ENPP1: variants seen among roughly 807,000 people sequenced by gnomAD.
ENPP1 encodes ectonucleotide pyrophosphatase/phosphodiesterase 1, also known as ectonucleotide pyrophosphatase/phosphodiesterase family member 1.
Under a neutral mutation model 122.8 loss-of-function variants are expected in ENPP1, and 73 were observed. The ratio of observed to expected loss-of-function variants is 0.59; its 90% CI spans 0.49 to 0.72. The LOEUF (loss-of-function observed/expected upper bound fraction) is 0.72. ENPP1 is among the 30% of genes least tolerant of loss of function. ENPP1 has a pLI of 0.00. For synonymous variants in ENPP1, 367 were observed against 391.6 expected (o/e 0.94, Z 0.74); for missense variants, 978 against 1,128.1 (o/e 0.87, Z 1.91).
chr6:131,833,555 T>C (rs547946914), intron 1 of ENPP1, among the ~76,000 whole-genome samples: 7 of 152,214 alleles, frequency 4.6e-5, no homozygotes, highest in Non-Finnish European at 7.3e-5. Context: ...ATTTTTGGAT[T>C]TTGTGTCATA....
Position 131,808,186 on chromosome 6 carries a change from G to A in ENPP1, c.151G>A (p.Ala51Thr). 6.7e-7 allele frequency: 1 copy of A among 1,490,404 alleles called. No individual in the cohort carries two copies. The highest frequency in any genetic ancestry group is 8.9e-7 in the Non-Finnish European group (1 of 1,119,016). 92.3% of individuals were successfully genotyped at this position (1,490,404 alleles called of 1,614,324 possible). A position where few individuals can be genotyped will look rare whatever the true frequency, so the allele number is the denominator to read the frequency against. Residue 51 changes from alanine to threonine, a missense_variant, in exon 1 of 25, where the codon GCC becomes ACC. This residue lies in a region of ENPP1 where 330 missense variants were observed against 328.5 expected (regional missense o/e 1.00). Transcript: ENST00000647893. Reference protein sequence around the residue: ...GDPQAAASLLAPMDVGEEPLE... With the variant: ...GDPQAAASLLTPMDVGEEPLE... ...CCCGCAGGCGGCCGCGTCCTTGCTG[G>A]CCCCTATGGACGTGGGGGAGGAGCC...
At chr6:131,826,848 G>A (rs191646581) in intron 1 of ENPP1, 147 of 375,034 alleles carry the variant, frequency 3.9e-4, no homozygotes, top group Admixed American at 1.2e-3. Context: ...TCCCTGTGTG[G>A]GGCAGAAAAG....
Position 131,810,456 on chromosome 6 carries a change from C to A in ENPP1, c.240+2181C>A, listed in dbSNP as rs1308682711. 4.1e-5 allele frequency among the ~76,000 whole-genome samples: 6 copies of A among 146,846 alleles called. No homozygotes were observed. The East Asian group carries it at 6.1e-4, about 15-fold the overall frequency. On this transcript the variant is annotated intron_variant, in intron 1 of 24. Transcript: ENST00000647893. ...CTTTTTCCCCCAACCCCGCCCCCCCCCCAAAAACTTCCCCAAATAATGGGC... is the reference window on the plus strand; with the variant it reads ...CTTTTTCCCCCAACCCCGCCCCCCCACCAAAAACTTCCCCAAATAATGGGC...
rs1165960043 is a variant in ENPP1, at chr6:131,879,911, T to C, written c.1977T>C (p.Tyr659=). 4 of 1,613,862 alleles carry C rather than the reference T, an allele frequency of 2.5e-6. No homozygotes were observed. Among genetic ancestry groups the C allele is most frequent in the Admixed American group, 3.3e-5 (2 of 59,998 alleles). The change falls in exon 20 of 25, where the codon TAT becomes TAC. Residue 659 remains tyrosine, a synonymous_variant. Transcript: ENST00000647893. ...EKIIKHETLP[Y]GRPRVLQKEN... is the part of the protein sequence containing the mutation. ...TTATTAAGCATGAAACTTTACCCTATGGAAGACCTAGAGTTCTCCAGAAGG... is the reference window on the plus strand; with the variant it reads ...TTATTAAGCATGAAACTTTACCCTACGGAAGACCTAGAGTTCTCCAGAAGG...
chr6:131,860,288 T>C (rs1782004321), intron 7 of ENPP1, 99 bp from the exon 8 acceptor site: 2 of 920,850 alleles, frequency 2.2e-6, no homozygotes, highest in East Asian at 2.5e-5. Flanking sequence ...TAATTCCATG[T>C]AGCTTCAGTT....
At chr6:131,849,918 T>G in intron 2 of ENPP1, 72 bp from the exon 3 acceptor site, 1 of 1,078,378 alleles carries the variant, frequency 9.3e-7, no homozygotes, top group Non-Finnish European at 1.4e-6. Flanking sequence ...CCTAACTTAG[T>G]TGTATTCGTT....
chr6:131,845,615 G>C (rs754180401), intron 1 of ENPP1, among the ~76,000 whole-genome samples: 16 of 151,564 alleles, frequency 1.1e-4, no homozygotes, highest in Non-Finnish European at 2.4e-4. Flanking sequence ...GCATCACCAT[G>C]CTGGGCTAAT....
At chr6:131,834,617 G>A (rs1352090112) in intron 1 of ENPP1, among the ~76,000 whole-genome samples, 2 of 147,842 alleles carry the variant, frequency 1.4e-5, no homozygotes, top group South Asian at 2.2e-4. Context: ...TGCAACCTCC[G>A]CCTCCTGGGT....
intron 1 of ENPP1, among the ~76,000 whole-genome samples, chr6:131,835,031 A>G (rs1390491452): frequency 6.6e-6 from 1 of 152,230 alleles, no homozygotes; most frequent in African/African-American, 2.4e-5. Flanking sequence ...GGACATAAAT[A>G]ATGTAACTTT....
intron 5 of ENPP1, among the ~76,000 whole-genome samples, chr6:131,853,619 A>G (rs988853953): frequency 8.5e-5 from 13 of 152,180 alleles, no homozygotes; most frequent in Non-Finnish European, 1.9e-4. Context: ...GATAGTAGCT[A>G]GTGAAAATTG....
chr6:131,890,777 C>T lies in ENPP1; in HGVS notation c.*266C>T, dbSNP rs1782459223. 2 of 462,572 alleles carry T rather than the reference C, an allele frequency of 4.3e-6. No homozygotes were observed. Among genetic ancestry groups the T allele is most frequent in the East Asian group, 4.0e-5 (1 of 24,906 alleles). 28.7% of individuals were successfully genotyped at this position (462,572 alleles called of 1,614,324 possible). On this transcript the variant is annotated 3_prime_UTR_variant, in exon 25 of 25. Transcript: ENST00000647893. ...TAAAGACAGACCACACCTAAAACTGCCTTTCTGCTTCTCTTAAAGGAGAAG... is the reference window on the plus strand; with the variant it reads ...TAAAGACAGACCACACCTAAAACTGTCTTTCTGCTTCTCTTAAAGGAGAAG...
Position 131,861,624 on chromosome 6 carries a change from C to G in ENPP1, c.945C>G (p.Leu315=). 6.2e-7 allele frequency: 1 copy of G among 1,613,642 alleles called. No individual in the cohort carries two copies. The highest frequency in any genetic ancestry group is 8.5e-7 in the Non-Finnish European group (1 of 1,179,598). ...PIWVTAKYQG[L]KSGTFFWPGS... ...GGGTCACAGCTAAGTATCAAGGCCTCAAGTCTGGCACATTTTTCTGGCCAG... is the reference window on the plus strand; with the variant it reads ...GGGTCACAGCTAAGTATCAAGGCCTGAAGTCTGGCACATTTTTCTGGCCAG... The change falls in exon 9 of 25, where the codon CTC becomes CTG. Residue 315 remains leucine, a synonymous_variant. Coordinates refer to ENST00000647893, the MANE Select transcript of ENPP1 (RefSeq NM_006208.3).
chr6:131,851,446 A>C lies in ENPP1; in HGVS notation c.556+179A>C, dbSNP rs1033763801. The C allele has an allele frequency of 7.4e-6, 5 of 676,054 alleles. No individual in the cohort carries two copies. The African/African-American group carries it at 9.1e-5, about 12-fold the overall frequency. 41.9% of individuals were successfully genotyped at this position (676,054 alleles called of 1,614,324 possible). A position where few individuals can be genotyped will look rare whatever the true frequency, so the allele number is the denominator to read the frequency against. On this transcript the variant is annotated intron_variant, in intron 4 of 24. Coordinates refer to ENST00000647893, the MANE Select transcript of ENPP1 (RefSeq NM_006208.3). ...TTTAAACATACACATGGGGAGAGAG[A>C]GTATGTAATGAACATTATACCCATC...
chr6:131,877,899 A>ATG (rs1782256240), intron 18 of ENPP1: 1 of 123,200 alleles, frequency 8.1e-6, no homozygotes, highest in Admixed American at 8.7e-5. Context: ...ATATATATAT[A>ATG]GCAATTTGGA....
At chr6:131,826,244 G>A (rs1781544579) in intron 1 of ENPP1, 6 of 976,716 alleles carry the variant, frequency 6.1e-6, no homozygotes, top group East Asian at 2.4e-5. Context: ...CCATCTGGTA[G>A]CATCTCACTG....
rs1379110817 is a variant in ENPP1 at position 131,878,636 on chromosome 6, A to T, written c.1945+43A>T. ...CTCAAGCTCGGAATGTGAAGCAGGC[A>T]TTTTCTCATCAGTGTGAAATGCAGA... On this transcript the variant is annotated intron_variant, in intron 19 of 24. Transcript: ENST00000647893. The T allele has an allele frequency of 3.4e-6, 5 of 1,450,902 alleles. No homozygotes were observed. In the African/African-American group the frequency reaches 7.0e-5, roughly 20 times the overall value. The allele number at this position is 1,450,902 out of a possible 1,614,324, so 89.9% of individuals were successfully genotyped here. A position where few individuals can be genotyped will look rare whatever the true frequency, so the allele number is the denominator to read the frequency against.
chr6:131,829,779 G>T (rs889008426), intron 1 of ENPP1, among the ~76,000 whole-genome samples: 1 of 152,220 alleles, frequency 6.6e-6, no homozygotes, highest in Non-Finnish European at 1.5e-5. Context: ...TGAAACCAGA[G>T]CTTGGGAGCT....
chr6:131,874,968 T>C (rs187484678), intron 16 of ENPP1, among the ~76,000 whole-genome samples: 254 of 152,068 alleles, frequency 1.7e-3, no homozygotes, highest in African/African-American at 5.8e-3. Context: ...AACAAAAAGC[T>C]AAAAATCACA....
At chr6:131,845,723 T>A (rs1484282711) in intron 1 of ENPP1, among the ~76,000 whole-genome samples, 1 of 152,182 alleles carries the variant, frequency 6.6e-6, no homozygotes, top group East Asian at 1.9e-4. Context: ...CCTCTCAAAG[T>A]GCCTGGCCGT....
Sources: allele counts gnomAD v4.1 joint callset (sites outside exome capture counted in the v4.1 genomes callset), GRCh38; gene constraint gnomAD v4.1.1; regional missense constraint gnomAD v4.1.1; transcripts MANE v1.5; gene names NCBI Gene and HGNC (gene_info 2026-07-23, HGNC 2026-07-21).